The following PRKCZ variants were observed in gnomAD, a reference collection of about 807,000 sequenced individuals.
PRKCZ encodes protein kinase C zeta.
Under a neutral mutation model 79.5 loss-of-function variants are expected in PRKCZ, and 33 were observed. The observed-to-expected ratio is 0.41, with a 90% CI of 0.31 to 0.55. PRKCZ has a LOEUF of 0.55. Among genes scored for constraint, PRKCZ ranks in the 20% least tolerant of loss-of-function variants. PRKCZ has a pLI of 0.19. For missense variants in PRKCZ, 578 were observed against 813.5 expected, an observed-to-expected ratio of 0.71 and a Z score of 3.52; for synonymous variants, 342 against 320.9, an observed-to-expected ratio of 1.07 and a Z score of -0.70.
chr1:2,090,029 CTCT>C (rs1272995196), intron 4 of PRKCZ, among the ~76,000 whole-genome samples: 1 of 152,224 alleles, frequency 6.6e-6, no homozygotes, highest in East Asian at 1.9e-4. Flanking sequence ...GTGGAGCCGT[CTCT>C]TCTTCACCCG....
In PRKCZ at chr1:2,056,516, C is replaced by A; in HGVS notation, c.226C>A (p.Leu76Met). The A allele has an allele frequency of 6.2e-7, 1 of 1,614,012 alleles. No individual in the cohort carries two copies. Among genetic ancestry groups the A allele is most frequent in the Non-Finnish European group, 8.5e-7 (1 of 1,179,966 alleles). The change falls in exon 3 of 18, where the codon CTG becomes ATG. Residue 76 changes from leucine to methionine, a missense_variant. Transcript: ENST00000378567. ...DPCTVSSQME[L>M]EEAFRLARQC... ...TTGCACGGTGTCCTCCCAGATGGAG[C>A]TGGAAGAGGCTTTCCGCCTGGCCCG...
intron 4 of PRKCZ, among the ~76,000 whole-genome samples, chr1:2,089,942 C>T (rs1019001554): frequency 1.3e-5 from 2 of 152,146 alleles, no homozygotes; most frequent in African/African-American, 2.4e-5. Context: ...TGGAGACCAG[C>T]GTCTGAGAGC....
chr1:2,133,534 C>G (rs984156806), intron 4 of PRKCZ: 1 of 150,062 alleles, frequency 6.7e-6, no homozygotes, highest in Non-Finnish European at 1.5e-5. Context: ...GTTCCACCCC[C>G]CCCAGCTGTG....
chr1:2,180,967 C>T (rs1394925886), intron 16 of PRKCZ, among the ~76,000 whole-genome samples: 1 of 152,168 alleles, frequency 6.6e-6, no homozygotes, highest in African/African-American at 2.4e-5. Context: ...TGGACCCTGG[C>T]GTGCTGTCCC....
intron 4 of PRKCZ, among the ~76,000 whole-genome samples, chr1:2,131,142 T>G (rs1485374995): frequency 6.6e-6 from 1 of 152,080 alleles, no homozygotes; most frequent in Non-Finnish European, 1.5e-5. Flanking sequence ...TCATTTTCCT[T>G]TGGTATTTGC....
intron 4 of PRKCZ, among the ~76,000 whole-genome samples, chr1:2,093,947 C>T (rs1665966129): frequency 6.6e-6 from 1 of 152,078 alleles, no homozygotes; most frequent in Admixed American, 6.5e-5. Context: ...GGGGCCAGGG[C>T]AGAGGGAGCC....
intron 5 of PRKCZ, among the ~76,000 whole-genome samples, chr1:2,140,136 C>G (rs1463349321): frequency 6.6e-6 from 1 of 152,208 alleles, no homozygotes; most frequent in Non-Finnish European, 1.5e-5. Flanking sequence ...AAGCAGTGCC[C>G]TCAGGTGGCT....
At chr1:2,065,510 T>G (rs1480450286) in intron 4 of PRKCZ, among the ~76,000 whole-genome samples, 2 of 152,162 alleles carry the variant, frequency 1.3e-5, no homozygotes, top group African/African-American at 4.8e-5. Context: ...AACCCCGTTC[T>G]CTACTAAAAA....
intron 9 of PRKCZ, among the ~76,000 whole-genome samples, chr1:2,155,766 CGGT>C (rs1026507753): frequency 4.8e-5 from 7 of 144,880 alleles, no homozygotes; most frequent in Admixed American, 6.8e-5. Flanking sequence ...AGTGGTGTGA[CGGT>C]GGTGATGATG....
intron 3 of PRKCZ, among the ~76,000 whole-genome samples, chr1:2,057,960 C>T (rs1287071914): frequency 6.6e-6 from 1 of 152,188 alleles, no homozygotes. Flanking sequence ...CTCCGCCTCC[C>T]GGGTTCAAGC....
At chr1:2,147,513 G>C (rs1336332711) in intron 7 of PRKCZ, among the ~76,000 whole-genome samples, 1 of 133,238 alleles carries the variant, frequency 7.5e-6, no homozygotes, top group African/African-American at 2.9e-5. Flanking sequence ...GTCTCCATCT[G>C]TTCATCTATC....
intron 3 of PRKCZ, 75 bp from the exon 4 acceptor site, chr1:2,059,466 G>A (rs1660472178): frequency 3.8e-6 from 6 of 1,562,224 alleles, no homozygotes; most frequent in Non-Finnish European, 5.3e-6. Flanking sequence ...CCTGACTGAG[G>A]CGGGACTTCC....
At chr1:2,056,443 G>T (rs767820631) in intron 2 of PRKCZ, 41 bp from the exon 3 acceptor site, 3 of 1,576,326 alleles carry the variant, frequency 1.9e-6, no homozygotes, top group Non-Finnish European at 2.6e-6. Flanking sequence ...CCTTTGCCTC[G>T]GGCCTTCGGC....
chr1:2,097,701 CA>C (rs144923573), intron 4 of PRKCZ, among the ~76,000 whole-genome samples: 3,400 of 152,232 alleles, frequency 0.022, 115 homozygotes, highest in African/African-American at 0.078. Context: ...GGGCCCGTGC[CA>C]GGGGGGCCCA....
At chr1:2,112,548 A>G (rs1040551926) in intron 4 of PRKCZ, among the ~76,000 whole-genome samples, 1 of 152,116 alleles carries the variant, frequency 6.6e-6, no homozygotes, top group African/African-American at 2.4e-5. Context: ...CTTGGAGCGG[A>G]GGTGAATGGG....
chr1:2,097,066 C>T (rs1666654162), intron 4 of PRKCZ, among the ~76,000 whole-genome samples: 1 of 152,230 alleles, frequency 6.6e-6, no homozygotes, highest in Admixed American at 6.5e-5. Flanking sequence ...CAGACTCCGA[C>T]TCCATTCTTC....
chr1:2,070,094 C>G (rs940577050), intron 4 of PRKCZ, among the ~76,000 whole-genome samples: 4 of 152,176 alleles, frequency 2.6e-5, no homozygotes. Flanking sequence ...CTGGGCTGGG[C>G]AGCCGCAGAC....
At chr1:2,164,994 C>T (rs1176086161) in intron 10 of PRKCZ, among the ~76,000 whole-genome samples, 1 of 152,190 alleles carries the variant, frequency 6.6e-6, no homozygotes, top group Non-Finnish European at 1.5e-5. Flanking sequence ...TTGAGGACAC[C>T]CGTGTTTGCC....
chr1:2,158,295 C>G (rs968065722), intron 10 of PRKCZ, among the ~76,000 whole-genome samples: 1 of 152,176 alleles, frequency 6.6e-6, no homozygotes, highest in Non-Finnish European at 1.5e-5. Flanking sequence ...AAGTCTTTTT[C>G]CTGCCTCAAA....
Sources: gnomAD v4.1 joint callset for allele counts (sites outside exome capture counted in the v4.1 genomes callset) on GRCh38, gnomAD v4.1.1 for gene constraint, MANE v1.5 for transcripts, NCBI Gene and HGNC (gene_info 2026-07-23, HGNC 2026-07-21) for gene names.